The following ARID5B variants were observed in gnomAD, a reference collection of about 807,000 sequenced individuals.
The protein encoded by ARID5B is AT-rich interactive domain-containing protein 5B.
ARID5B carries 13 observed loss-of-function variants against 97.2 expected under a neutral mutation model. The observed-to-expected ratio is 0.13, with a 90% CI of 0.09 to 0.21. ARID5B has a LOEUF of 0.21. ARID5B is among the 10% of genes least tolerant of loss of function. ARID5B has a pLI of 1.00. For synonymous variants in ARID5B, 556 were observed against 570.3 expected, an observed-to-expected ratio of 0.97 and a Z score of 0.36; for missense variants, 1,210 against 1,465.3, an observed-to-expected ratio of 0.83 and a Z score of 2.84.
chr10:62,016,781 T>C (rs1338855192), intron 4 of ARID5B, among the ~76,000 whole-genome samples: 1 of 152,232 alleles, frequency 6.6e-6, no homozygotes, highest in Non-Finnish European at 1.5e-5. Context: ...CTCCTGTTAG[T>C]ATAAATATTT....
At chr10:62,067,955 C>A (rs1840015355) in intron 7 of ARID5B, among the ~76,000 whole-genome samples, 1 of 152,212 alleles carries the variant, frequency 6.6e-6, no homozygotes, top group Admixed American at 6.5e-5. Flanking sequence ...AGGCTGTTTT[C>A]TAACCCTGTT....
chr10:62,059,085 G>A (rs1792987448), intron 6 of ARID5B, among the ~76,000 whole-genome samples, 158 bp from the exon 7 acceptor site: 1 of 152,048 alleles, frequency 6.6e-6, no homozygotes, highest in Non-Finnish European at 1.5e-5. Context: ...GTTGTCAAAT[G>A]CCCTTTGGGC....
chr10:62,033,940 C>T (rs1026988743), intron 4 of ARID5B, among the ~76,000 whole-genome samples: 4 of 152,162 alleles, frequency 2.6e-5, no homozygotes, highest in African/African-American at 7.2e-5. Context: ...CGTGCCCTCT[C>T]TACTTTCTTA....
chr10:62,003,234 A>G (rs2043442448), intron 4 of ARID5B, among the ~76,000 whole-genome samples: 1 of 152,210 alleles, frequency 6.6e-6, no homozygotes, highest in Non-Finnish European at 1.5e-5. Flanking sequence ...TGGGGAAGAC[A>G]GGATTAACAC....
At chr10:61,933,558 C>T (rs1589224676) in intron 2 of ARID5B, among the ~76,000 whole-genome samples, 1 of 152,162 alleles carries the variant, frequency 6.6e-6, no homozygotes, top group African/African-American at 2.4e-5. Context: ...GATCCATGGA[C>T]TGCAGAATAG....
chr10:62,055,280 C>T (rs904800919), intron 5 of ARID5B, among the ~76,000 whole-genome samples: 3 of 152,276 alleles, frequency 2.0e-5, no homozygotes, highest in Non-Finnish European at 4.4e-5. Flanking sequence ...GGCTTAAATT[C>T]CAGATTCCCC....
At chr10:62,083,019 A>AG (rs973400214) in intron 8 of ARID5B, among the ~76,000 whole-genome samples, 2 of 151,866 alleles carry the variant, frequency 1.3e-5, no homozygotes, top group Non-Finnish European at 2.9e-5. Context: ...ATGATTTAGA[A>AG]GGGGGGGAAA....
chr10:61,968,143 A>G (rs140970401), intron 3 of ARID5B, among the ~76,000 whole-genome samples: 11 of 144,630 alleles, frequency 7.6e-5, no homozygotes, highest in South Asian at 4.6e-4. Context: ...TGCCACAATA[A>G]TAATACATTT....
In ARID5B at chr10:61,913,333, A is replaced by G. The variant is rs2132761049; in HGVS notation, c.276+10920A>G. On this transcript the variant is annotated intron_variant, in intron 2 of 9. Coordinates refer to ENST00000279873, the MANE Select transcript of ARID5B (RefSeq NM_032199.3). ...ATAACGATGGTCAAGAAGAATTGCCATGGTTATTTAAGAGAAAGGCTCATG... is the reference window on the plus strand; with the variant it reads ...ATAACGATGGTCAAGAAGAATTGCCGTGGTTATTTAAGAGAAAGGCTCATG... 3.9e-5 allele frequency among the ~76,000 whole-genome samples: 6 copies of G among 152,340 alleles called. 1 individual carries two copies. In the South Asian group the frequency reaches 1.2e-3, roughly 32 times the overall value.
chr10:62,041,487 A>G (rs1199446900), intron 4 of ARID5B, among the ~76,000 whole-genome samples: 1 of 152,238 alleles, frequency 6.6e-6, no homozygotes, highest in Non-Finnish European at 1.5e-5. Context: ...TAAAAGCACA[A>G]AGTGAGTGAA....
At chr10:62,074,794 A>C (rs1227040725) in intron 8 of ARID5B, among the ~76,000 whole-genome samples, 1 of 152,170 alleles carries the variant, frequency 6.6e-6, no homozygotes, top group African/African-American at 2.4e-5. Context: ...CTCAAATGAG[A>C]TTTTCTGACT....
chr10:61,953,777 A>G (rs1048506277), intron 3 of ARID5B, among the ~76,000 whole-genome samples: 17 of 152,198 alleles, frequency 1.1e-4, no homozygotes, highest in African/African-American at 3.1e-4. Flanking sequence ...AGATTACGTT[A>G]GATCATCTAT....
At chr10:61,930,692 C>G (rs979091587) in intron 2 of ARID5B, among the ~76,000 whole-genome samples, 1 of 137,910 alleles carries the variant, frequency 7.3e-6, no homozygotes, top group African/African-American at 2.7e-5. Flanking sequence ...TGCACTCCAG[C>G]CTGGGCGACA....
chr10:62,022,280 C>T (rs1011124685), intron 4 of ARID5B, among the ~76,000 whole-genome samples: 7 of 152,232 alleles, frequency 4.6e-5, no homozygotes, highest in African/African-American at 1.7e-4. Context: ...CCACTGTGGC[C>T]ATGCCATCCT....
At chr10:62,022,852 G>C (rs532422851) in intron 4 of ARID5B, among the ~76,000 whole-genome samples, 1 of 152,316 alleles carries the variant, frequency 6.6e-6, no homozygotes, top group Admixed American at 6.5e-5. Context: ...CATTGTGAAC[G>C]ATTCACAGAG....
intron 7 of ARID5B, among the ~76,000 whole-genome samples, chr10:62,064,090 G>A (rs1407948129): frequency 6.6e-6 from 1 of 152,176 alleles, no homozygotes; most frequent in Non-Finnish European, 1.5e-5. Context: ...GTGAGACAGG[G>A]CCATTGTTCT....
chr10:62,030,964 G>C (rs118181496), intron 4 of ARID5B, among the ~76,000 whole-genome samples: 6 of 152,298 alleles, frequency 3.9e-5, no homozygotes, highest in East Asian at 1.9e-4. Context: ...AGCTGGGTGC[G>C]GTGGCTCACA....
Position 62,091,456 on chromosome 10 carries a change from C to T in ARID5B, c.1993C>T (p.Pro665Ser). The T allele has an allele frequency of 6.2e-7, 1 of 1,611,258 alleles. No homozygotes were observed. The highest frequency in any genetic ancestry group is 1.3e-5 in the African/African-American group (1 of 74,936). ...GTTCAAAGACAAAGACCTGACTGGG[C>T]CCATGAACGAGAACCATGGACTTAA... ...DMFKDKDLTG[P>S]MNENHGLNYT... The change falls in exon 10 of 10, where the codon CCC becomes TCC. Residue 665 changes from proline to serine, a missense_variant. Coordinates refer to ENST00000279873, the MANE Select transcript of ARID5B (RefSeq NM_032199.3).
chr10:62,091,002 C>G lies in ARID5B; in HGVS notation c.1539C>G (p.Asp513Glu). Residue 513 changes from aspartate to glutamate, a missense_variant, in exon 10 of 10, where the codon GAC (aspartate) becomes GAG (glutamate). Physicochemically the swap from Asp to Glu is conservative, Grantham distance 45. Transcript: ENST00000279873. ...FSAKPLASRVDPEKDNETDQG... is the reference protein window; with the variant it reads ...FSAKPLASRVEPEKDNETDQG... ...CGAAGCCCCTGGCATCCAGAGTAGA[C>G]CCAGAGAAGGACAACGAAACAGACC... 6.2e-7 allele frequency: 1 copy of G among 1,614,120 alleles called. No homozygotes were observed. Among genetic ancestry groups the G allele is most frequent in the Non-Finnish European group, 8.5e-7 (1 of 1,180,008 alleles).
Sources: gnomAD v4.1 joint callset for allele counts (sites outside exome capture counted in the v4.1 genomes callset) on GRCh38, gnomAD v4.1.1 for gene constraint, MANE v1.5 for transcripts, NCBI Gene and HGNC (gene_info 2026-07-23, HGNC 2026-07-21) for gene names.